The following CERKL variants were observed in gnomAD, a reference collection of about 807,000 sequenced individuals.
CERKL encodes ceramide kinase-like protein.
Under a neutral mutation model 63.4 loss-of-function variants are expected in CERKL, and 61 were observed. The observed-to-expected ratio is 0.96, with a 90% CI of 0.78 to 1.19. The LOEUF (loss-of-function observed/expected upper bound fraction) is 1.19, where lower values mean the gene tolerates loss of function less well. Ranked by LOEUF, CERKL falls within the 50% of genes most tolerant of loss-of-function variation. The pLI, the probability that CERKL is intolerant of heterozygous loss-of-function variation, is 0.00. For missense variants in CERKL, 675 were observed against 655.5 expected (o/e 1.03, Z -0.33); for synonymous variants, 250 against 230.5 (o/e 1.08, Z -0.77).
intron 2 of CERKL, among the ~76,000 whole-genome samples, chr2:181,579,327 G>A (rs1684400033): frequency 1.3e-5 from 2 of 151,760 alleles, no homozygotes; most frequent in Non-Finnish European, 2.9e-5. Context: ...TTTGATCTTT[G>A]ACAAATGAAA....
intron 1 of CERKL, among the ~76,000 whole-genome samples, chr2:181,611,545 C>A (rs1326989835): frequency 6.6e-6 from 1 of 151,914 alleles, no homozygotes; most frequent in East Asian, 1.9e-4. Flanking sequence ...ATAAGCTGGG[C>A]ATGGTGGTGC....
At chr2:181,641,448 C>A (rs1341509206) in intron 1 of CERKL, among the ~76,000 whole-genome samples, 1 of 151,366 alleles carries the variant, frequency 6.6e-6, no homozygotes, top group East Asian at 1.9e-4. Flanking sequence ...CTCAGCCTCC[C>A]AAAGTACTAG....
At chr2:181,629,135 C>T (rs1047250695) in intron 1 of CERKL, among the ~76,000 whole-genome samples, 3 of 152,092 alleles carry the variant, frequency 2.0e-5, no homozygotes, top group African/African-American at 7.2e-5. Flanking sequence ...ATTCAATAAT[C>T]CTGAAAATTA....
At position 181,538,259 on chromosome 2, in the gene CERKL, C is replaced by T. The variant is rs1005920378; in HGVS notation, c.1539-15G>A. 4.0e-6 allele frequency: 6 copies of T among 1,497,832 alleles called. No homozygotes were observed. The African/African-American group carries it at 6.9e-5, about 17-fold the overall frequency. 92.8% of individuals were successfully genotyped at this position (1,497,832 alleles called of 1,614,324 possible). On this transcript the variant is annotated splice_polypyrimidine_tract_variant and intron_variant, in intron 12 of 12. Transcript: ENST00000410087. ...TTGGATGCAATCTGTAAAGAAAATA[C>T]ATTATTTCATCAACTTATTTTGTTG...
intron 4 of CERKL, chr2:181,565,354 G>T (rs1688615814): frequency 4.3e-6 from 4 of 937,534 alleles, no homozygotes; most frequent in Non-Finnish European, 7.1e-6. Context: ...ATATGTTTTA[G>T]TCTTACACAT....
intron 1 of CERKL, among the ~76,000 whole-genome samples, chr2:181,634,457 A>G (rs1687091617): frequency 6.6e-6 from 1 of 152,192 alleles, no homozygotes; most frequent in Non-Finnish European, 1.5e-5. Context: ...GAGCATCAGT[A>G]GCAGCAGTAA....
At position 181,537,480 on chromosome 2, in the gene CERKL, T is replaced by G. The variant is rs1687202676; in HGVS notation, c.*704A>C. 1 of 452,832 alleles carries G rather than the reference T, an allele frequency of 2.2e-6. No homozygotes were observed. The highest frequency in any genetic ancestry group is 2.0e-5 in the African/African-American group (1 of 49,624). 28.1% of individuals were successfully genotyped at this position (452,832 alleles called of 1,614,324 possible). On this transcript the variant is annotated 3_prime_UTR_variant, in exon 13 of 13. Coordinates refer to ENST00000410087, the MANE Select transcript of CERKL (RefSeq NM_201548.5). ...CCCTACCACTTTAAGAAGACAGGGA[T>G]GGGTTATTCTTTTTTGGCAGGTAGG...
chr2:181,609,791 G>A (rs1242377492), intron 1 of CERKL, among the ~76,000 whole-genome samples: 1 of 151,990 alleles, frequency 6.6e-6, no homozygotes, highest in African/African-American at 2.4e-5. Context: ...GAAGTATCTA[G>A]GAATAGAGAA....
chr2:181,650,125 G>A (rs1230457191), intron 1 of CERKL: 1 of 129,764 alleles, frequency 7.7e-6, no homozygotes, highest in Non-Finnish European at 1.6e-5. Context: ...AAGGAAGGAA[G>A]GAAGGAAGGA....
At chr2:181,546,429 A>G (rs952291428) in intron 10 of CERKL, among the ~76,000 whole-genome samples, 1 of 152,154 alleles carries the variant, frequency 6.6e-6, no homozygotes, top group Non-Finnish European at 1.5e-5. Flanking sequence ...ACAGCTATCT[A>G]GGATTTCTGA....
chr2:181,609,634 A>G (rs945523599), intron 1 of CERKL, among the ~76,000 whole-genome samples: 1 of 151,398 alleles, frequency 6.6e-6, no homozygotes, highest in South Asian at 2.1e-4. Context: ...TGAACCCAGG[A>G]GGCGGAGGTT....
At position 181,603,854 on chromosome 2, in the gene CERKL, A is replaced by T; in HGVS notation, c.464T>A (p.Phe155Tyr). The T allele has an allele frequency of 6.2e-7, 1 of 1,613,432 alleles. No individual in the cohort carries two copies. The highest frequency in any genetic ancestry group is 8.5e-7 in the Non-Finnish European group (1 of 1,179,586). ...GTACTTACCTGCCAATATTTTCTTGAACTGTCTAAACCATATGTCACAGTG... is the reference window on the plus strand; with the variant it reads ...GTACTTACCTGCCAATATTTTCTTGTACTGTCTAAACCATATGTCACAGTG... ...EDHCDIWFRQ[F>Y]KKILAGFPNR... The change falls in exon 2 of 13, where the codon TTC becomes TAC. Residue 155 changes from phenylalanine to tyrosine, a missense_variant. Physicochemically the swap from Phe to Tyr is conservative, Grantham distance 22 (BLOSUM62 3). Coordinates refer to ENST00000410087, the MANE Select transcript of CERKL (RefSeq NM_201548.5).
chr2:181,635,253 G>T (rs1001449913), intron 1 of CERKL, among the ~76,000 whole-genome samples: 11 of 152,066 alleles, frequency 7.2e-5, no homozygotes, highest in African/African-American at 2.7e-4. Context: ...CCTGTAAAAT[G>T]ACAGGTGTGT....
intron 2 of CERKL, among the ~76,000 whole-genome samples, chr2:181,585,452 G>A (rs981579237): frequency 6.6e-6 from 1 of 152,074 alleles, no homozygotes; most frequent in South Asian, 2.1e-4. Context: ...ATTTTATAAA[G>A]GAAGTCTAAA....
intron 11 of CERKL, 54 bp from the exon 12 acceptor site, chr2:181,539,318 C>A: frequency 8.7e-7 from 1 of 1,154,804 alleles, no homozygotes; most frequent in South Asian, 1.2e-5. Flanking sequence ...GCTACTAACG[C>A]GAATCAAAGT....
At chr2:181,596,868 T>A (rs879607515) in intron 2 of CERKL, among the ~76,000 whole-genome samples, 6 of 152,122 alleles carry the variant, frequency 3.9e-5, no homozygotes, top group Non-Finnish European at 8.8e-5. Flanking sequence ...AACCTCTCAA[T>A]CCTCGGACTC....
At chr2:181,656,744 A>C in intron 1 of CERKL, 25 bp downstream of exon 1, 1 of 1,558,504 alleles carries the variant, frequency 6.4e-7, no homozygotes, top group Non-Finnish European at 8.7e-7. Context: ...GAGGGAGGCG[A>C]AGACGCTTGG....
In CERKL at chr2:181,536,709, T is replaced by C. The variant is rs1687119904; in HGVS notation, c.*1475A>G. 1 of 200,628 alleles carries C rather than the reference T, an allele frequency of 5.0e-6. No individual in the cohort carries two copies. The highest frequency in any genetic ancestry group is 2.4e-5 in the African/African-American group (1 of 42,234). The allele number at this position is 200,628 out of a possible 1,614,324, so 12.4% of individuals were successfully genotyped here. A position where few individuals can be genotyped will look rare whatever the true frequency, so the allele number is the denominator to read the frequency against. ...GTAAAATATTTTTATAGTTTGTTCA[T>C]ACTATATGAGGTTCTATTTTAAATG... is the stretch of plus-strand genomic sequence containing the variant. On this transcript the variant is annotated 3_prime_UTR_variant, in exon 13 of 13. Coordinates refer to ENST00000410087, the MANE Select transcript of CERKL (RefSeq NM_201548.5).
chr2:181,642,234 G>A (rs923530117), intron 1 of CERKL, among the ~76,000 whole-genome samples: 1 of 152,058 alleles, frequency 6.6e-6, no homozygotes, highest in African/African-American at 2.4e-5. Context: ...GGTCATATTG[G>A]GGTTTAACCC....
Sources: gnomAD v4.1 joint callset for allele counts (sites outside exome capture counted in the v4.1 genomes callset) on GRCh38, gnomAD v4.1.1 for gene constraint, MANE v1.5 for transcripts, NCBI Gene and HGNC (gene_info 2026-07-23, HGNC 2026-07-21) for gene names.